The following LDB2 variants were observed in gnomAD, a reference collection of about 807,000 sequenced individuals.
The protein encoded by LDB2 is LIM domain binding 2.
A neutral mutation model predicts 44.3 loss-of-function variants in LDB2; 12 were observed. The ratio of observed to expected loss-of-function variants is 0.27; its 90% CI spans 0.17 to 0.44. LDB2 has a LOEUF of 0.44. Ranked by LOEUF, LDB2 falls within the 20% of genes least tolerant of loss-of-function variation. The pLI is 1.00. For missense variants in LDB2, 344 were observed against 473.5 expected, an observed-to-expected ratio of 0.73 and a Z score of 2.54; for synonymous variants, 164 against 174.8, an observed-to-expected ratio of 0.94 and a Z score of 0.49.
At chr4:16,670,419 C>T (rs1177784600) in intron 2 of LDB2, among the ~76,000 whole-genome samples, 1 of 152,134 alleles carries the variant, frequency 6.6e-6, no homozygotes, top group Admixed American at 6.5e-5. Flanking sequence ...ATATTAAGTC[C>T]CCACCACTGG....
At chr4:16,581,918 A>C (rs1007976380) in intron 5 of LDB2, among the ~76,000 whole-genome samples, 1 of 149,562 alleles carries the variant, frequency 6.7e-6, no homozygotes, top group African/African-American at 2.6e-5. Flanking sequence ...AAGACGAAGG[A>C]AAGAAGAAAG....
At chr4:16,647,863 GA>G in intron 2 of LDB2, among the ~76,000 whole-genome samples, 1 of 152,268 alleles carries the variant, frequency 6.6e-6, no homozygotes, top group South Asian at 2.1e-4. Context: ...CCTTGAAAGA[GA>G]AAGAATGCAT....
chr4:16,866,028 C>T (rs193079902), intron 1 of LDB2, among the ~76,000 whole-genome samples: 62 of 152,292 alleles, frequency 4.1e-4, no homozygotes, highest in African/African-American at 1.4e-3. Flanking sequence ...TTTTATTTTT[C>T]TTCAAAGGCC....
At chr4:16,673,397 A>T (rs1745430918) in intron 2 of LDB2, among the ~76,000 whole-genome samples, 1 of 152,030 alleles carries the variant, frequency 6.6e-6, no homozygotes, top group African/African-American at 2.4e-5. Context: ...AGTCAAGGTT[A>T]CTCCTGCTGC....
At chr4:16,559,175 G>C (rs1741031901) in intron 5 of LDB2, among the ~76,000 whole-genome samples, 1 of 152,108 alleles carries the variant, frequency 6.6e-6, no homozygotes, top group African/African-American at 2.4e-5. Flanking sequence ...AAAATAACCA[G>C]CTAACATCAT....
At chr4:16,675,068 C>T (rs2152562312) in intron 2 of LDB2, among the ~76,000 whole-genome samples, 1 of 152,228 alleles carries the variant, frequency 6.6e-6, no homozygotes, top group East Asian at 1.9e-4. Context: ...ATCTTAAATG[C>T]AATCATTTAT....
intron 2 of LDB2, among the ~76,000 whole-genome samples, chr4:16,743,397 G>A (rs1416387123): frequency 6.6e-6 from 1 of 152,028 alleles, no homozygotes; most frequent in Non-Finnish European, 1.5e-5. Context: ...CCCACCCCTG[G>A]TATATGCACC....
chr4:16,555,137 G>GA (rs1272437637), intron 5 of LDB2, among the ~76,000 whole-genome samples: 11 of 140,776 alleles, frequency 7.8e-5, no homozygotes, highest in African/African-American at 1.6e-4. Flanking sequence ...AAGGCAACTA[G>GA]AAAAAAAAAT....
intron 1 of LDB2, among the ~76,000 whole-genome samples, chr4:16,846,986 A>G (rs1787143850): frequency 6.6e-6 from 1 of 152,190 alleles, no homozygotes; most frequent in African/African-American, 2.4e-5. Flanking sequence ...TGAGAGCTGG[A>G]GAAGACTCCA....
At chr4:16,595,357 C>T (rs1367995958) in intron 3 of LDB2, among the ~76,000 whole-genome samples, 1 of 152,094 alleles carries the variant, frequency 6.6e-6, no homozygotes, top group Non-Finnish European at 1.5e-5. Context: ...ACAGTGCTGA[C>T]CACGCGAAAA....
At chr4:16,849,681 T>C (rs1027843418) in intron 1 of LDB2, among the ~76,000 whole-genome samples, 21 of 152,312 alleles carry the variant, frequency 1.4e-4, no homozygotes, top group Admixed American at 1.2e-3. Flanking sequence ...TGTCAAAAAA[T>C]AACACATTCT....
intron 2 of LDB2, among the ~76,000 whole-genome samples, chr4:16,721,782 G>C (rs558828018): frequency 2.0e-5 from 3 of 152,224 alleles, no homozygotes; most frequent in Non-Finnish European, 4.4e-5. Context: ...ATAGGGTTGG[G>C]CACAGGCCAG....
chr4:16,788,561 C>G (rs1355810806), intron 1 of LDB2, among the ~76,000 whole-genome samples: 1 of 152,186 alleles, frequency 6.6e-6, no homozygotes, highest in Non-Finnish European at 1.5e-5. Context: ...GTGTGGGCCC[C>G]AAGCCATCCC....
At chr4:16,672,359 G>T (rs569921925) in intron 2 of LDB2, among the ~76,000 whole-genome samples, 4 of 152,138 alleles carry the variant, frequency 2.6e-5, no homozygotes, top group Non-Finnish European at 4.4e-5. Flanking sequence ...TGCCTAGGTT[G>T]CAGGAAGGGA....
chr4:16,840,716 C>G (rs1158688056), intron 1 of LDB2, among the ~76,000 whole-genome samples: 1 of 152,182 alleles, frequency 6.6e-6, no homozygotes, highest in Non-Finnish European at 1.5e-5. Flanking sequence ...CAAAGATGCT[C>G]AACTCACAAA....
At chr4:16,891,754 T>A (rs535858981) in intron 1 of LDB2, among the ~76,000 whole-genome samples, 1 of 152,212 alleles carries the variant, frequency 6.6e-6, no homozygotes, top group Non-Finnish European at 1.5e-5. Flanking sequence ...TCTAGCAGAA[T>A]CAAGTTAGTG....
At chr4:16,687,711 C>T (rs960371238) in intron 2 of LDB2, among the ~76,000 whole-genome samples, 1 of 152,144 alleles carries the variant, frequency 6.6e-6, no homozygotes, top group Non-Finnish European at 1.5e-5. Context: ...CACACCCACC[C>T]TGCCTTTTCT....
At chr4:16,519,398 G>A (rs1725108219) in intron 5 of LDB2, among the ~76,000 whole-genome samples, 1 of 151,466 alleles carries the variant, frequency 6.6e-6, no homozygotes, top group Non-Finnish European at 1.5e-5. Context: ...CAGAGAAGAG[G>A]TTCAGTCAAG....
chr4:16,635,204 T>C (rs1320386415), intron 2 of LDB2, among the ~76,000 whole-genome samples: 1 of 152,042 alleles, frequency 6.6e-6, no homozygotes, highest in Non-Finnish European at 1.5e-5. Context: ...GATGAGTTGA[T>C]GGGTGTAGCA....
Sources: allele counts gnomAD v4.1 joint callset (sites outside exome capture counted in the v4.1 genomes callset), GRCh38; gene constraint gnomAD v4.1.1; transcripts MANE v1.5; gene names NCBI Gene and HGNC (gene_info 2026-07-23, HGNC 2026-07-21).